Variants in FCHO1 observed in about 807,000 individuals in gnomAD.
FCHO1 encodes the protein FCH and mu domain containing endocytic adaptor 1.
Under a neutral mutation model 114.4 loss-of-function variants are expected in FCHO1, and 45 were observed. The observed-to-expected ratio is 0.39, with a 90% CI of 0.31 to 0.50. The LOEUF is 0.50. FCHO1 is among the 20% of genes least tolerant of loss of function. The pLI, the probability that FCHO1 is intolerant of heterozygous loss-of-function variation, is 0.77. For missense variants in FCHO1, 1,042 were observed against 1,209.6 expected, an observed-to-expected ratio of 0.86 and a Z score of 2.06; for synonymous variants, 480 against 488.9, an observed-to-expected ratio of 0.98 and a Z score of 0.24.
intron 27 of FCHO1, among the ~76,000 whole-genome samples, 178 bp from the exon 28 acceptor site, chr19:17,787,504 C>G (rs927615624): frequency 1.3e-5 from 2 of 152,014 alleles, no homozygotes; most frequent in Non-Finnish European, 2.9e-5. Flanking sequence ...GACTCCCTTG[C>G]TAGCCATACA....
intron 9 of FCHO1, among the ~76,000 whole-genome samples, 160 bp downstream of exon 9, chr19:17,771,056 C>A (rs1395524635): frequency 1.3e-5 from 2 of 151,804 alleles, no homozygotes; most frequent in Non-Finnish European, 2.9e-5. Flanking sequence ...GAGTTTGAGA[C>A]CAGCCTGGCC....
intron 28 of FCHO1, among the ~76,000 whole-genome samples, chr19:17,788,056 A>G (rs2094065925): frequency 6.6e-6 from 1 of 151,470 alleles, no homozygotes; most frequent in South Asian, 2.1e-4. Flanking sequence ...CCTTGGAAGG[A>G]CCCCAGCCAG....
At chr19:17,755,699 G>T in intron 4 of FCHO1, 1 of 153,302 alleles carries the variant, frequency 6.5e-6, no homozygotes, top group East Asian at 1.9e-4. Flanking sequence ...CTCTCTCCCT[G>T]CCACTGTGAC....
At chr19:17,748,194 G>A (rs2081024717), upstream of FCHO1, among the ~76,000 whole-genome samples, 2 of 152,296 alleles carry the variant, frequency 1.3e-5, no homozygotes, top group South Asian at 4.1e-4. Flanking sequence ...GCTGAGATGG[G>A]GACCACCCGC....
At chr19:17,768,320 T>C (rs541951883) in intron 7 of FCHO1, among the ~76,000 whole-genome samples, 8 of 151,770 alleles carry the variant, frequency 5.3e-5, no homozygotes, top group Admixed American at 3.3e-4. Context: ...TCTGCCCGCC[T>C]CAGCCTTCCA....
intron 27 of FCHO1, among the ~76,000 whole-genome samples, chr19:17,787,007 T>G (rs1355896968): frequency 6.6e-6 from 1 of 151,846 alleles, no homozygotes; most frequent in Non-Finnish European, 1.5e-5. Context: ...GTAGATCACT[T>G]GAGGTCAGGA....
At chr19:17,766,966 G>A (rs1267026404) in intron 7 of FCHO1, among the ~76,000 whole-genome samples, 156 bp downstream of exon 7, 1 of 152,184 alleles carries the variant, frequency 6.6e-6, no homozygotes, top group East Asian at 1.9e-4. Context: ...ACGGACCTGA[G>A]CGTTGTTGAA....
chr19:17,785,484 A>G (rs1171735243), intron 26 of FCHO1, among the ~76,000 whole-genome samples: 1 of 152,032 alleles, frequency 6.6e-6, no homozygotes, highest in Non-Finnish European at 1.5e-5. Context: ...CGGCCTCCCA[A>G]AGGACTGCGA....
At position 17,778,580 on chromosome 19, in the gene FCHO1, G is replaced by A. The variant is rs372790235; in HGVS notation, c.1352-29G>A. The A allele has an allele frequency of 5.2e-5, 79 of 1,505,042 alleles. 1 individual carries two copies. In the Middle Eastern group the frequency reaches 9.2e-4, roughly 17 times the overall value. 93.2% of individuals were successfully genotyped at this position (1,505,042 alleles called of 1,614,324 possible). A position where few individuals can be genotyped will look rare whatever the true frequency, so the allele number is the denominator to read the frequency against. ...CAGGGACTCTGAGTGGGCGAGGGTCGGAGCTGACCGCCCGCTTCCCTCCCC... is the reference window on the plus strand; with the variant it reads ...CAGGGACTCTGAGTGGGCGAGGGTCAGAGCTGACCGCCCGCTTCCCTCCCC... On this transcript the variant is annotated intron_variant, in intron 19 of 28. Coordinates refer to ENST00000596536, the MANE Select transcript of FCHO1 (RefSeq NM_015122.3).
At chr19:17,782,544 G>A (rs1379955102) in intron 23 of FCHO1, among the ~76,000 whole-genome samples, 2 of 152,166 alleles carry the variant, frequency 1.3e-5, no homozygotes, top group Non-Finnish European at 2.9e-5. Flanking sequence ...TGCTGTAGAC[G>A]CCAAGGCTGC....
chr19:17,784,289 G>A lies in FCHO1; in HGVS notation c.2226+54G>A, dbSNP rs923610289. ...GGTGGTGGAGTGGGGGACACGGTGA[G>A]CCGGCAGCAGACATGGAGGCGCCTG... On this transcript the variant is annotated intron_variant, in intron 25 of 28. Transcript: ENST00000596536. The surrounding 1 kb of genome is among the most constrained non-coding windows in gnomAD (Gnocchi z 5.3). 1.9e-6 allele frequency: 3 copies of A among 1,545,212 alleles called. No individual in the cohort carries two copies. The highest frequency in any genetic ancestry group is 2.6e-6 in the Non-Finnish European group (3 of 1,143,338).
chr19:17,755,345 G>C, intron 4 of FCHO1, 154 bp downstream of exon 4: 1 of 692,112 alleles, frequency 1.4e-6, no homozygotes, highest in South Asian at 1.8e-5. Flanking sequence ...GGCTGGGTTT[G>C]AATCCACACC....
At chr19:17,752,116 C>G (rs4808683) in intron 1 of FCHO1, among the ~76,000 whole-genome samples, 65,843 of 151,960 alleles carry the variant, frequency 0.43, 14,938 homozygotes, top group East Asian at 0.74. Flanking sequence ...CTCCTTGGTT[C>G]CTGGGATCTT....
chr19:17,786,514 G>A, intron 26 of FCHO1, 60 bp from the exon 27 acceptor site: 7 of 1,569,788 alleles, frequency 4.5e-6, no homozygotes, highest in Non-Finnish European at 6.1e-6. Flanking sequence ...GCTGAGGCAG[G>A]ACCCTGGGCT....
chr19:17,788,317 G>A lies in FCHO1; in HGVS notation c.*11G>A. 2 of 1,374,520 alleles carry A rather than the reference G, an allele frequency of 1.5e-6. No homozygotes were observed. The highest frequency in any genetic ancestry group is 1.9e-6 in the Non-Finnish European group (2 of 1,035,152). The allele number at this position is 1,374,520 out of a possible 1,614,324, so 85.1% of individuals were successfully genotyped here. ...CTGGTGAGCTGCTGAACCCGCAAAT[G>A]CTGCTGCCCCAGCTCTACACTGCGC... On this transcript the variant is annotated 3_prime_UTR_variant, in exon 29 of 29. Transcript: ENST00000596536.
intron 4 of FCHO1, among the ~76,000 whole-genome samples, chr19:17,756,443 G>A (rs1044108445): frequency 6.6e-6 from 1 of 152,120 alleles, no homozygotes; most frequent in East Asian, 1.9e-4. Context: ...GTGCAGGCTC[G>A]CTGCAGAAAA....
chr19:17,784,110 TC>T lies in FCHO1; in HGVS notation c.2104del (p.Gln702ArgfsTer16). The T allele has an allele frequency of 6.2e-7, 1 of 1,614,054 alleles. No homozygotes were observed. Among genetic ancestry groups the T allele is most frequent in the Non-Finnish European group, 8.5e-7 (1 of 1,179,982 alleles). On this transcript the variant is annotated frameshift_variant, in exon 25 of 29. Coordinates refer to ENST00000596536, the MANE Select transcript of FCHO1 (RefSeq NM_015122.3). LOFTEE classifies it high-confidence loss of function. The surrounding 1 kb of genome is among the most constrained non-coding windows in gnomAD (Gnocchi z 5.3). ...PNADLLFSDP[S>X]QSDPETKDFW... The stretch of plus-strand genomic sequence containing the variant: ...CAGTCCGGGTCTCTGCAGTGACCCC[TC>T]CCAGAGTGACCCTGAGACCAAAGAC...
intron 4 of FCHO1, among the ~76,000 whole-genome samples, chr19:17,761,629 T>TACAC (rs2086226300): frequency 1.2e-5 from 1 of 85,498 alleles, no homozygotes; most frequent in African/African-American, 3.8e-5. Flanking sequence ...TTTTCATGTA[T>TACAC]ATACATATAT....
intron 6 of FCHO1, 86 bp downstream of exon 6, chr19:17,764,535 A>G (rs2087910855): frequency 9.0e-7 from 1 of 1,112,734 alleles, no homozygotes; most frequent in East Asian, 2.5e-5. Flanking sequence ...CATGTAGAAT[A>G]GAGTGTCATC....
Sources: gnomAD v4.1 joint callset for allele counts (sites outside exome capture counted in the v4.1 genomes callset) on GRCh38, gnomAD v4.1.1 for gene constraint, Gnocchi (gnomAD v3.1) non-coding constraint, MANE v1.5 for transcripts, NCBI Gene and HGNC (gene_info 2026-07-23, HGNC 2026-07-21) for gene names.